Variants in CSMD3 observed in about 807,000 individuals in gnomAD.
CSMD3 encodes CUB and sushi domain-containing protein 3.
Under a neutral mutation model 435.2 loss-of-function variants are expected in CSMD3, and 177 were observed. The ratio of observed to expected loss-of-function variants is 0.41; its 90% CI spans 0.36 to 0.46. The LOEUF (loss-of-function observed/expected upper bound fraction) is 0.46. CSMD3 is among the 20% of genes least tolerant of loss of function. The pLI, the probability that CSMD3 is intolerant of heterozygous loss-of-function variation, is 0.34. For synonymous variants in CSMD3, 1,656 were observed against 1,520.5 expected (o/e 1.09, Z -2.07); for missense variants, 4,265 against 4,504.6 (o/e 0.95, Z 1.52).
At chr8:112,941,365 C>T (rs2083446258) in intron 9 of CSMD3, among the ~76,000 whole-genome samples, 1 of 151,820 alleles carries the variant, frequency 6.6e-6, no homozygotes, top group Non-Finnish European at 1.5e-5. Context: ...GACAGGAAAG[C>T]TCTGCTGGTG....
chr8:112,695,337 T>C (rs2076227180), intron 13 of CSMD3, among the ~76,000 whole-genome samples: 1 of 152,218 alleles, frequency 6.6e-6, no homozygotes, highest in African/African-American at 2.4e-5. Context: ...TTAACTTTTA[T>C]TATACTGTCA....
chr8:112,847,378 T>C (rs2080353947), intron 11 of CSMD3, among the ~76,000 whole-genome samples: 2 of 152,090 alleles, frequency 1.3e-5, no homozygotes, highest in African/African-American at 4.8e-5. Context: ...GATCATGGGG[T>C]GCAGAAGTAT....
At chr8:113,373,358 G>A (rs1202575365) in intron 1 of CSMD3, among the ~76,000 whole-genome samples, 1 of 151,478 alleles carries the variant, frequency 6.6e-6, no homozygotes, top group African/African-American at 2.4e-5. Flanking sequence ...TGATTTTATG[G>A]ACACACACAC....
At chr8:112,783,823 CA>C (rs933406114) in intron 13 of CSMD3, among the ~76,000 whole-genome samples, 82 of 134,734 alleles carry the variant, frequency 6.1e-4, no homozygotes, top group South Asian at 9.4e-4. Flanking sequence ...GATTTCAAGA[CA>C]AAAAAAAAAC....
intron 1 of CSMD3, among the ~76,000 whole-genome samples, chr8:113,430,052 G>C (rs1485206035): frequency 6.6e-6 from 1 of 152,092 alleles, no homozygotes; most frequent in Non-Finnish European, 1.5e-5. Context: ...TTAGCTGTGA[G>C]TCTGCCCCTT....
intron 13 of CSMD3, among the ~76,000 whole-genome samples, chr8:112,691,552 T>C (rs568394063): frequency 2.1e-4 from 32 of 152,228 alleles, no homozygotes; most frequent in Admixed American, 2.0e-3. Context: ...TGGGCCAATA[T>C]TGGCAACTTA....
chr8:113,019,892 G>A (rs1242769753), intron 5 of CSMD3, among the ~76,000 whole-genome samples: 1 of 151,880 alleles, frequency 6.6e-6, no homozygotes, highest in African/African-American at 2.4e-5. Context: ...GGCCGGGCGC[G>A]GTGGCTCACG....
chr8:113,434,349 G>C (rs2130119179), intron 1 of CSMD3, among the ~76,000 whole-genome samples: 1 of 152,284 alleles, frequency 6.6e-6, no homozygotes, highest in Non-Finnish European at 1.5e-5. Flanking sequence ...AGACAAAAGC[G>C]AGCATAGACA....
chr8:112,476,781 A>G (rs1467402470), intron 31 of CSMD3, among the ~76,000 whole-genome samples: 2 of 152,148 alleles, frequency 1.3e-5, no homozygotes, highest in Admixed American at 1.3e-4. Flanking sequence ...GGCGTCCAAC[A>G]AAGAATCAAT....
intron 5 of CSMD3, among the ~76,000 whole-genome samples, chr8:113,045,101 T>C (rs539882340): frequency 6.7e-5 from 10 of 149,318 alleles, no homozygotes; most frequent in African/African-American, 2.2e-4. Flanking sequence ...TGTATTACTA[T>C]TATTCCTTAA....
At chr8:112,955,808 A>T (rs1564146432) in intron 7 of CSMD3, among the ~76,000 whole-genome samples, 1 of 151,896 alleles carries the variant, frequency 6.6e-6, no homozygotes, top group Non-Finnish European at 1.5e-5. Flanking sequence ...AATGTTATGC[A>T]ATTAGGTTTT....
At chr8:112,702,955 C>T (rs2076421287) in intron 13 of CSMD3, among the ~76,000 whole-genome samples, 1 of 152,182 alleles carries the variant, frequency 6.6e-6, no homozygotes, top group South Asian at 2.1e-4. Context: ...CCCCCACACA[C>T]CCAGTATGAA....
intron 10 of CSMD3, among the ~76,000 whole-genome samples, chr8:112,891,903 A>ACGTGTG (rs2081802823): frequency 6.6e-6 from 1 of 151,218 alleles, no homozygotes; most frequent in African/African-American, 2.4e-5. Context: ...GCCTGTGTGC[A>ACGTGTG]CGTGTGTGTG....
chr8:112,721,974 T>C (rs1022793772), intron 13 of CSMD3, among the ~76,000 whole-genome samples: 1 of 152,162 alleles, frequency 6.6e-6, no homozygotes, highest in Non-Finnish European at 1.5e-5. Context: ...CTGACCTTCT[T>C]GTGTTTGAAA....
At chr8:113,149,761 C>T (rs2091762542) in intron 4 of CSMD3, among the ~76,000 whole-genome samples, 1 of 151,866 alleles carries the variant, frequency 6.6e-6, no homozygotes, top group Non-Finnish European at 1.5e-5. Flanking sequence ...TTCACATATG[C>T]TATCCCTCAA....
chr8:112,458,345 A>C (rs1817076278), intron 32 of CSMD3, among the ~76,000 whole-genome samples: 1 of 152,020 alleles, frequency 6.6e-6, no homozygotes, highest in Admixed American at 6.6e-5. Flanking sequence ...GCTGGACTTT[A>C]TGTCCCTGTC....
At chr8:113,269,417 T>G (rs1010098999) in intron 3 of CSMD3, among the ~76,000 whole-genome samples, 1 of 152,096 alleles carries the variant, frequency 6.6e-6, no homozygotes, top group Admixed American at 6.6e-5. Flanking sequence ...GCCATCCCCA[T>G]CAAGCTACCA....
At chr8:112,342,898 C>G (rs974965568) in intron 41 of CSMD3, among the ~76,000 whole-genome samples, 1 of 149,420 alleles carries the variant, frequency 6.7e-6, no homozygotes, top group Admixed American at 6.7e-5. Flanking sequence ...TAACTGAGCA[C>G]TTTTATTACA....
At chr8:112,538,505 C>A (rs901267871) in intron 27 of CSMD3, among the ~76,000 whole-genome samples, 1 of 151,778 alleles carries the variant, frequency 6.6e-6, no homozygotes, top group Non-Finnish European at 1.5e-5. Context: ...AGTAATGTGG[C>A]AGGATACAAA....
Sources: allele counts gnomAD v4.1 joint callset (sites outside exome capture counted in the v4.1 genomes callset), GRCh38; gene constraint gnomAD v4.1.1; transcripts MANE v1.5; gene names NCBI Gene and HGNC (gene_info 2026-07-23, HGNC 2026-07-21).